POC1B: variants seen among roughly 807,000 people sequenced by gnomAD.
The protein encoded by POC1B is POC1 centriolar protein homolog B.
POC1B carries 44 observed loss-of-function variants against 60.6 expected under a neutral mutation model. The observed-to-expected ratio is 0.73, with a 90% CI of 0.57 to 0.93. The LOEUF is 0.93. Among genes scored for constraint, POC1B ranks in the 40% least tolerant of loss-of-function variants. POC1B has a pLI of 0.00. For synonymous variants in POC1B, 180 were observed against 198.9 expected (o/e 0.90, Z 0.80); for missense variants, 555 against 572.3 (o/e 0.97, Z 0.31).
chr12:89,524,790 C>CA, intron 2 of POC1B: 1 of 621,854 alleles, frequency 1.6e-6, no homozygotes, highest in Admixed American at 3.0e-5. Context: ...CAACTTTTCA[C>CA]AAACTCTCCA....
chr12:89,466,815 G>A lies in POC1B; in HGVS notation c.987C>T (p.Tyr329=), dbSNP rs754888145. The part of the protein sequence containing the change: ...FDSPPHLLDI[Y]PRTPHPHEEK... ...CCTCATGGGGATGTGGTGTTCTTGG[G>A]TAGATATCAAGAAGATGTGGTGGTG... Residue 329 remains tyrosine, a synonymous_variant, in exon 9 of 12, where the codon TAC becomes TAT. Coordinates refer to ENST00000313546, the MANE Select transcript of POC1B (RefSeq NM_172240.3). 1.2e-6 allele frequency: 2 copies of A among 1,612,666 alleles called. No individual in the cohort carries two copies. Among genetic ancestry groups the A allele is most frequent in the East Asian group, 2.2e-5 (1 of 44,786 alleles).
chr12:89,448,984 T>A (rs1881920849), intron 10 of POC1B, among the ~76,000 whole-genome samples: 1 of 152,210 alleles, frequency 6.6e-6, no homozygotes, highest in African/African-American at 2.4e-5. Flanking sequence ...CTTTCCGTTT[T>A]TTTCCCCACA....
At chr12:89,478,832 A>C (rs1399642262) in intron 4 of POC1B, among the ~76,000 whole-genome samples, 5 of 152,182 alleles carry the variant, frequency 3.3e-5, no homozygotes, top group Non-Finnish European at 5.9e-5. Context: ...ATTTACTCCC[A>C]AAAAATCAAT....
chr12:89,453,553 C>T (rs1882139048), intron 10 of POC1B, among the ~76,000 whole-genome samples: 1 of 152,176 alleles, frequency 6.6e-6, no homozygotes, highest in African/African-American at 2.4e-5. Context: ...TAGATAAATA[C>T]ACCTAGTTTC....
At chr12:89,418,973 A>G (rs1025980105), downstream of POC1B, among the ~76,000 whole-genome samples, 4 of 152,130 alleles carry the variant, frequency 2.6e-5, no homozygotes, top group African/African-American at 9.7e-5. Flanking sequence ...GTGGGAAATG[A>G]AGGTGGTAAG....
At chr12:89,510,947 G>GAT (rs1870154442) in intron 2 of POC1B, among the ~76,000 whole-genome samples, 1 of 151,508 alleles carries the variant, frequency 6.6e-6, no homozygotes, top group East Asian at 2.0e-4. Flanking sequence ...TACAGACAGG[G>GAT]TTTCACCATG....
intron 1 of POC1B, 56 bp downstream of exon 1, chr12:89,525,825 C>T: frequency 2.9e-6 from 4 of 1,400,206 alleles, no homozygotes; most frequent in Non-Finnish European, 3.7e-6. Flanking sequence ...CCTGGCCCCG[C>T]AGCCCGCGGG....
chr12:89,448,465 A>G (rs532184251), intron 10 of POC1B, among the ~76,000 whole-genome samples: 79 of 152,346 alleles, frequency 5.2e-4, no homozygotes, highest in Middle Eastern at 3.4e-3. Context: ...CATCAAAGGA[A>G]ATTTCTGCAT....
At chr12:89,424,046 G>C (rs1880652198) in intron 11 of POC1B, among the ~76,000 whole-genome samples, 1 of 152,174 alleles carries the variant, frequency 6.6e-6, no homozygotes, top group Admixed American at 6.5e-5. Flanking sequence ...GTCACGTCTA[G>C]TACAACATTA....
intron 9 of POC1B, among the ~76,000 whole-genome samples, chr12:89,462,621 A>G (rs1468364814): frequency 1.3e-5 from 2 of 152,222 alleles, no homozygotes; most frequent in African/African-American, 4.8e-5. Context: ...TCCAGCACAC[A>G]GATACTTTAA....
chr12:89,496,988 AAG>A lies in POC1B; in HGVS notation c.272+181_272+182del, dbSNP rs1390804604. ...TCCATGGTAGGAAATAGTTTTCAAA[AAG>A]AAGACATAATTTTGAGGAAAAAAAT... On this transcript the variant is annotated intron_variant, in intron 3 of 11. Transcript: ENST00000313546. 6 of 644,376 alleles carry A rather than the reference AAG, an allele frequency of 9.3e-6. No homozygotes were observed. In the African/African-American group the frequency reaches 1.1e-4, roughly 12 times the overall value. 39.9% of individuals were successfully genotyped at this position (644,376 alleles called of 1,614,324 possible).
chr12:89,521,991 A>G, intron 2 of POC1B: 1 of 399,018 alleles, frequency 2.5e-6, no homozygotes, highest in East Asian at 3.6e-5. Flanking sequence ...GAGGCATAGT[A>G]TTCTGGATGA....
intron 2 of POC1B, chr12:89,524,704 G>T: frequency 1.3e-6 from 1 of 772,944 alleles, no homozygotes; most frequent in Non-Finnish European, 2.1e-6. Flanking sequence ...CTTTCCAGGG[G>T]TCACCTGAGC....
At chr12:89,513,093 G>A (rs1870264740) in intron 2 of POC1B, among the ~76,000 whole-genome samples, 1 of 152,058 alleles carries the variant, frequency 6.6e-6, no homozygotes, top group Non-Finnish European at 1.5e-5. Context: ...GATGCACATT[G>A]AAATTTGAGA....
At chr12:89,500,597 G>A in intron 2 of POC1B, 2 of 1,601,048 alleles carry the variant, frequency 1.2e-6, no homozygotes, top group Non-Finnish European at 1.7e-6. Context: ...AAAAACATCT[G>A]TATCGCAAAA....
At chr12:89,489,113 A>T (rs912388857) in intron 4 of POC1B, among the ~76,000 whole-genome samples, 1 of 152,220 alleles carries the variant, frequency 6.6e-6, no homozygotes, top group East Asian at 1.9e-4. Context: ...GTTACAAAGT[A>T]TCTTTATAAA....
the POC1B span, among the ~76,000 whole-genome samples, chr12:89,402,588 A>G: frequency 2.0e-5 from 3 of 152,072 alleles, no homozygotes; most frequent in African/African-American, 4.8e-5. Context: ...AGTTCTTATC[A>G]TTTAGCTCCA....
At chr12:89,486,021 T>C (rs1333699443) in intron 4 of POC1B, among the ~76,000 whole-genome samples, 2 of 152,156 alleles carry the variant, frequency 1.3e-5, no homozygotes, top group African/African-American at 2.4e-5. Context: ...CTGACCTCGA[T>C]ATGTAAAAGA....
At chr12:89,476,199 GC>G (rs769513735) in intron 4 of POC1B, among the ~76,000 whole-genome samples, 12 of 151,986 alleles carry the variant, frequency 7.9e-5, no homozygotes, top group Non-Finnish European at 1.6e-4. Context: ...GATCCACTGT[GC>G]CCAGCCCAGA....
Sources: allele counts gnomAD v4.1 joint callset (sites outside exome capture counted in the v4.1 genomes callset), GRCh38; gene constraint gnomAD v4.1.1; transcripts MANE v1.5; gene names NCBI Gene and HGNC (gene_info 2026-07-23, HGNC 2026-07-21).